The following OTOG variants were observed in gnomAD, a reference collection of about 807,000 sequenced individuals.
OTOG encodes otogelin.
In OTOG, 296 loss-of-function variants were observed where a neutral mutation model predicts 313.8. The observed-to-expected ratio is 0.94, with a 90% CI of 0.86 to 1.04. OTOG has a LOEUF of 1.04. Among genes scored for constraint, OTOG ranks in the 50% least tolerant of loss-of-function variants. OTOG has a pLI of 0.00. For synonymous variants in OTOG, 1,533 were observed against 1,554.9 expected, an observed-to-expected ratio of 0.99 and a Z score of 0.33; for missense variants, 3,948 against 3,840.1, an observed-to-expected ratio of 1.03 and a Z score of -0.74.
intron 19 of OTOG, among the ~76,000 whole-genome samples, chr11:17,573,991 T>C (rs1852461597): frequency 6.6e-6 from 1 of 152,178 alleles, no homozygotes; most frequent in Non-Finnish European, 1.5e-5. Context: ...CATAGGAGCT[T>C]TCAAAAGATT....
intron 47 of OTOG, among the ~76,000 whole-genome samples, chr11:17,638,153 G>T (rs1458101980): frequency 1.3e-5 from 2 of 152,224 alleles, no homozygotes; most frequent in Non-Finnish European, 2.9e-5. Context: ...TACCCTAATG[G>T]CTGGCTCTCC....
At chr11:17,577,224 G>A (rs1016270165) in intron 22 of OTOG, among the ~76,000 whole-genome samples, 1 of 152,244 alleles carries the variant, frequency 6.6e-6, no homozygotes, top group African/African-American at 2.4e-5. Context: ...CTTCCTTTGG[G>A]TCCTGATGTT....
intron 32 of OTOG, among the ~76,000 whole-genome samples, chr11:17,603,282 G>A (rs966349921): frequency 3.3e-5 from 5 of 152,290 alleles, no homozygotes; most frequent in African/African-American, 1.2e-4. Context: ...CCCAAAGACA[G>A]CACTTCCTCC....
Position 17,605,836 on chromosome 11 carries a change from TC to T in OTOG, c.3878-17del. 7 of 1,519,378 alleles carry T rather than the reference TC, an allele frequency of 4.6e-6. No homozygotes were observed. The highest frequency in any genetic ancestry group is 6.2e-6 in the Non-Finnish European group (7 of 1,127,500). 94.1% of individuals were successfully genotyped at this position (1,519,378 alleles called of 1,614,324 possible). ...CCTGGACCTCTGCCTGTACTGACTC[TC>T]CCCATGTGGTTCTCTGCAGACCCAG... is the stretch of plus-strand genomic sequence containing the variant. On this transcript the variant is annotated intron_variant, in intron 32 of 55. Coordinates refer to ENST00000399397, the MANE Select transcript of OTOG (RefSeq NM_001292063.2).
At chr11:17,615,789 G>A (rs1365627494) in intron 39 of OTOG, among the ~76,000 whole-genome samples, 3 of 152,214 alleles carry the variant, frequency 2.0e-5, no homozygotes, top group Non-Finnish European at 2.9e-5. Context: ...TAAGCTGGGC[G>A]TGGTGGCACG....
At position 17,634,938 on chromosome 11, in the gene OTOG, C is replaced by T; in HGVS notation, c.7575C>T (p.Ser2525=). Residue 2525 remains serine, a synonymous_variant, in exon 45 of 56, where the codon AGC becomes AGT. Transcript: ENST00000399397. The stretch of plus-strand genomic sequence containing the variant: ...TCCAGGAGGACTCCTGCTGCCCCAG[C>T]TACAGCTGTGGTGAGAGGCCCGGGG... The part of the protein sequence containing the change: ...THFQEDSCCP[S]YSCECDPDLC... 7.3e-7 allele frequency: 1 copy of T among 1,374,038 alleles called. No individual in the cohort carries two copies. The highest frequency in any genetic ancestry group is 9.9e-7 in the Non-Finnish European group (1 of 1,007,760). The allele number at this position is 1,374,038 out of a possible 1,614,324, so 85.1% of individuals were successfully genotyped here. A position where few individuals can be genotyped will look rare whatever the true frequency, so the allele number is the denominator to read the frequency against.
chr11:17,585,896 AC>A (rs1852782840), intron 23 of OTOG, among the ~76,000 whole-genome samples: 1 of 152,224 alleles, frequency 6.6e-6, no homozygotes, highest in Admixed American at 6.5e-5. Flanking sequence ...CTGGATTTGA[AC>A]AAAAAATTAT....
At chr11:17,562,237 CAAAAAAAA>C in intron 15 of OTOG, among the ~76,000 whole-genome samples, 1 of 62,696 alleles carries the variant, frequency 1.6e-5, no homozygotes, top group East Asian at 6.4e-4. Flanking sequence ...GACTCCGTCT[CAAAAAAAA>C]AAAAAAAAAA....
chr11:17,644,075 G>T (rs1848026102), intron 54 of OTOG, among the ~76,000 whole-genome samples: 1 of 152,272 alleles, frequency 6.6e-6, no homozygotes. Flanking sequence ...GGGGGCAAGG[G>T]AGGGGGAGGG....
chr11:17,548,724 T>A (rs1196424403), intron 3 of OTOG, among the ~76,000 whole-genome samples: 1 of 152,022 alleles, frequency 6.6e-6, no homozygotes, highest in Non-Finnish European at 1.5e-5. Flanking sequence ...GAGCCTTTTT[T>A]TTTCTTTTTT....
chr11:17,594,784 A>G (rs994286845), intron 28 of OTOG, among the ~76,000 whole-genome samples: 1 of 152,138 alleles, frequency 6.6e-6, no homozygotes, highest in Non-Finnish European at 1.5e-5. Context: ...TCATCCATTG[A>G]CTTTCTGGGT....
At chr11:17,578,246 A>G (rs1364500470) in intron 22 of OTOG, 127 bp from the exon 23 acceptor site, 4 of 1,406,016 alleles carry the variant, frequency 2.8e-6, no homozygotes, top group East Asian at 2.6e-5. Flanking sequence ...AGCAATGCCC[A>G]GGAGCGACCA....
In OTOG at chr11:17,609,749, A is replaced by T; in HGVS notation, c.4449A>T (p.Pro1483=). ...TGCCCACTCCCAGTGATGAGGAGCC[A>T]CAGCTGTCACAGGAAAGCCCCAGGA... ...QGLPTPSDEE[P]QLSQESPRTP... is the part of the protein sequence containing the mutation. The change falls in exon 36 of 56, where the codon CCA becomes CCT. Residue 1483 remains proline (P), a synonymous_variant. Coordinates refer to ENST00000399397, the MANE Select transcript of OTOG (RefSeq NM_001292063.2). 6.5e-7 allele frequency: 1 copy of T among 1,548,696 alleles called. No homozygotes were observed. Among genetic ancestry groups the T allele is most frequent in the South Asian group, 1.2e-5 (1 of 83,632 alleles).
At chr11:17,640,632 C>A in intron 49 of OTOG, 113 bp from the exon 50 acceptor site, 1 of 1,175,334 alleles carries the variant, frequency 8.5e-7, no homozygotes, top group Non-Finnish European at 1.2e-6. Context: ...GCCAGCCCCC[C>A]TCCTGCCCAC....
At chr11:17,628,194 T>C (rs1476202879) in intron 39 of OTOG, among the ~76,000 whole-genome samples, 1 of 152,198 alleles carries the variant, frequency 6.6e-6, no homozygotes, top group Non-Finnish European at 1.5e-5. Flanking sequence ...ATATAGGCAC[T>C]GATAGCTATA....
intron 20 of OTOG, 49 bp from the exon 21 acceptor site, chr11:17,576,507 C>T (rs973140834): frequency 2.7e-6 from 4 of 1,467,014 alleles, no homozygotes; most frequent in Non-Finnish European, 3.7e-6. Flanking sequence ...GCAGTCTCTG[C>T]CCTAGCTCCT....
rs575306798 is a variant in OTOG, at chr11:17,553,629, G to T, written c.540+110G>T. ...TAGAGAGACTGGCACCTTCCTCCTT[G>T]CATCGCCCCCCAGCTCCCACCCAGG... On this transcript the variant is annotated intron_variant, in intron 6 of 55. Transcript: ENST00000399397. 1.5e-4 allele frequency: 156 copies of T among 1,068,040 alleles called. No individual in the cohort carries two copies. In the African/African-American group the frequency reaches 2.4e-3, roughly 17 times the overall value. 66.2% of individuals were successfully genotyped at this position (1,068,040 alleles called of 1,614,324 possible). A position where few individuals can be genotyped will look rare whatever the true frequency, so the allele number is the denominator to read the frequency against.
intron 36 of OTOG, 103 bp from the exon 37 acceptor site, chr11:17,612,059 C>A: frequency 1.5e-6 from 2 of 1,374,820 alleles, no homozygotes; most frequent in Non-Finnish European, 2.0e-6. Flanking sequence ...GGTCCCCTGC[C>A]CCGCTAGGAC....
At chr11:17,612,564 C>T (rs374837409) in intron 37 of OTOG, 56 bp from the exon 38 acceptor site, 74 of 1,505,306 alleles carry the variant, frequency 4.9e-5, no homozygotes, top group Admixed American at 4.3e-4. Flanking sequence ...TCTTCCTAGG[C>T]GGCCTTGGTC....
Sources: gnomAD v4.1 joint callset for allele counts (sites outside exome capture counted in the v4.1 genomes callset) on GRCh38, gnomAD v4.1.1 for gene constraint, MANE v1.5 for transcripts, NCBI Gene and HGNC (gene_info 2026-07-23, HGNC 2026-07-21) for gene names.